Variants in PDE4B observed in about 807,000 individuals in gnomAD.
PDE4B encodes the protein 3',5'-cyclic-AMP phosphodiesterase 4B.
PDE4B carries 20 observed loss-of-function variants against 82.2 expected under a neutral mutation model. The observed-to-expected ratio is 0.24, with a 90% CI of 0.17 to 0.35. The LOEUF is 0.35. Among genes scored for constraint, PDE4B ranks in the 10% least tolerant of loss-of-function variants. The probability of loss-of-function intolerance (pLI) is 1.00; values close to 1 mark genes in which losing one functional copy is unlikely to be tolerated. For missense variants in PDE4B, 655 were observed against 907.2 expected, an observed-to-expected ratio of 0.72 and a Z score of 3.57; for synonymous variants, 320 against 318.9, an observed-to-expected ratio of 1.00 and a Z score of -0.04.
chr1:66,304,512 T>G (rs551356241), intron 7 of PDE4B, among the ~76,000 whole-genome samples: 61 of 152,284 alleles, frequency 4.0e-4, no homozygotes, highest in African/African-American at 1.5e-3. Flanking sequence ...TCATATTTAG[T>G]GGTCCTTTTC....
chr1:66,229,031 G>A (rs943897172), intron 3 of PDE4B, among the ~76,000 whole-genome samples: 3 of 151,372 alleles, frequency 2.0e-5, no homozygotes, highest in Non-Finnish European at 4.4e-5. Context: ...TTTTTGAGAT[G>A]GAGTCTTGCT....
intron 3 of PDE4B, among the ~76,000 whole-genome samples, chr1:66,082,838 G>A (rs1276155678): frequency 1.3e-5 from 2 of 151,858 alleles, no homozygotes; most frequent in Non-Finnish European, 2.9e-5. Flanking sequence ...TACTATGCTA[G>A]GCATCTGTGA....
chr1:66,052,438 T>A (rs898656233), intron 3 of PDE4B, among the ~76,000 whole-genome samples: 2 of 152,148 alleles, frequency 1.3e-5, no homozygotes, highest in Non-Finnish European at 2.9e-5. Flanking sequence ...TCAAACCCAC[T>A]TGTACAGATA....
chr1:66,014,871 G>A (rs1652682900), intron 3 of PDE4B, among the ~76,000 whole-genome samples: 1 of 152,122 alleles, frequency 6.6e-6, no homozygotes, highest in Non-Finnish European at 1.5e-5. Context: ...GGCTTCAAAT[G>A]TCAGTAGTGC....
At chr1:65,949,788 G>A (rs182890551) in intron 3 of PDE4B, among the ~76,000 whole-genome samples, 4 of 152,154 alleles carry the variant, frequency 2.6e-5, no homozygotes, top group African/African-American at 9.6e-5. Flanking sequence ...GTGTGTGTGT[G>A]TGTAGCTCTG....
chr1:66,052,555 GTT>G (rs11375339), intron 3 of PDE4B, among the ~76,000 whole-genome samples: 3 of 139,374 alleles, frequency 2.2e-5, no homozygotes, highest in Non-Finnish European at 3.1e-5. Flanking sequence ...CAGGGACCGA[GTT>G]TTTTTTTTTT....
chr1:65,808,087 A>G (rs1361093450), intron 1 of PDE4B, among the ~76,000 whole-genome samples: 2 of 152,238 alleles, frequency 1.3e-5, no homozygotes, highest in Admixed American at 6.5e-5. Flanking sequence ...CCTAGGGGCA[A>G]TAAGTAGGTG....
At chr1:66,171,576 C>A (rs1453055366) in intron 3 of PDE4B, among the ~76,000 whole-genome samples, 2 of 152,032 alleles carry the variant, frequency 1.3e-5, no homozygotes, top group African/African-American at 2.4e-5. Flanking sequence ...CTCAGTGGAC[C>A]TCTGGAACAG....
intron 3 of PDE4B, among the ~76,000 whole-genome samples, chr1:66,182,204 T>C (rs72679125): frequency 0.011 from 1,686 of 152,240 alleles, 11 homozygotes; most frequent in Non-Finnish European, 0.016. Context: ...GGTTTTTCGG[T>C]GTGGTTGTTG....
rs529805764 is a variant in PDE4B at position 65,849,582 on chromosome 1, C to T, written c.-71+56334C>T. 4.6e-5 allele frequency among the ~76,000 whole-genome samples: 7 copies of T among 152,244 alleles called. No homozygotes were observed. The South Asian group carries it at 8.3e-4, about 18-fold the overall frequency. On this transcript the variant is annotated intron_variant, in intron 1 of 16. Transcript: ENST00000341517. ...ACAGGTGGCACTGGTGGGGATCCCA[C>T]TCTATGGGCCCGGGAGGAAGCTTCC...
intron 1 of PDE4B, among the ~76,000 whole-genome samples, chr1:65,840,032 AT>A (rs1349394780): frequency 7.9e-5 from 12 of 152,170 alleles, no homozygotes; most frequent in Non-Finnish European, 1.3e-4. Flanking sequence ...TATAAAAAAA[AT>A]AAGCCAAGTG....
At chr1:65,983,811 AAT>A (rs10544625) in intron 3 of PDE4B, among the ~76,000 whole-genome samples, 148,968 of 152,244 alleles carry the variant, frequency 0.98, 72,964 homozygotes, top group Middle Eastern at 1. Flanking sequence ...CTAATAACGT[AAT>A]ATATACTATT....
At chr1:66,209,832 A>G (rs1326350243) in intron 3 of PDE4B, among the ~76,000 whole-genome samples, 1 of 152,206 alleles carries the variant, frequency 6.6e-6, no homozygotes, top group Non-Finnish European at 1.5e-5. Flanking sequence ...TGTGAGATTC[A>G]TACATGTTGT....
chr1:65,923,794 G>A (rs2100493509), intron 3 of PDE4B, among the ~76,000 whole-genome samples: 1 of 152,190 alleles, frequency 6.6e-6, no homozygotes, highest in East Asian at 1.9e-4. Flanking sequence ...GAACTTTGAT[G>A]TGCCTAAGGA....
At chr1:66,295,389 G>C (rs1010589149) in intron 7 of PDE4B, among the ~76,000 whole-genome samples, 2 of 152,006 alleles carry the variant, frequency 1.3e-5, no homozygotes, top group Non-Finnish European at 2.9e-5. Context: ...TGCTTTACTT[G>C]ATATTTTCTA....
chr1:66,351,979 C>T lies in PDE4B; in HGVS notation c.748-3548C>T, dbSNP rs192740353. Among the ~76,000 whole-genome samples, 190 of 152,276 alleles carry T rather than the reference C, an allele frequency of 1.2e-3. 1 individual carries two copies. Among genetic ancestry groups the T allele is most frequent in the African/African-American group, 4.3e-3 (180 of 41,554 alleles). On this transcript the variant is annotated intron_variant, in intron 8 of 16. Transcript: ENST00000341517. Reference sequence around the variant, plus strand: ...GAATGTAAAAGATACCCTTCCACCCCCCGCCGTCTGCTCCTTGAAGGCCAT... The same window carrying T: ...GAATGTAAAAGATACCCTTCCACCCTCCGCCGTCTGCTCCTTGAAGGCCAT...
At chr1:65,924,231 C>T (rs927520778) in intron 3 of PDE4B, among the ~76,000 whole-genome samples, 6 of 146,230 alleles carry the variant, frequency 4.1e-5, no homozygotes, top group African/African-American at 1.3e-4. Flanking sequence ...CCCGCCACTA[C>T]GCCCGGCTAA....
intron 1 of PDE4B, among the ~76,000 whole-genome samples, chr1:65,875,999 G>A (rs933861121): frequency 6.6e-6 from 1 of 151,518 alleles, no homozygotes; most frequent in East Asian, 1.9e-4. Flanking sequence ...TCTTCATATT[G>A]TACTCTCATC....
intron 3 of PDE4B, among the ~76,000 whole-genome samples, chr1:65,997,940 C>T (rs1230672971): frequency 6.6e-6 from 1 of 152,068 alleles, no homozygotes; most frequent in Non-Finnish European, 1.5e-5. Flanking sequence ...GAAGAGATGA[C>T]ATTTGTGTGG....
Sources: gnomAD v4.1 joint callset for allele counts (sites outside exome capture counted in the v4.1 genomes callset) on GRCh38, gnomAD v4.1.1 for gene constraint, MANE v1.5 for transcripts, NCBI Gene and HGNC (gene_info 2026-07-23, HGNC 2026-07-21) for gene names.